Variants in GLCCI1 observed in about 807,000 individuals in gnomAD.
The protein encoded by GLCCI1 is glucocorticoid-induced transcript 1 protein.
In GLCCI1, 24 loss-of-function variants were observed where a neutral mutation model predicts 52.2. That is an observed-to-expected ratio of 0.46 (90% CI 0.33 to 0.65). The LOEUF is 0.65. Ranked by LOEUF, GLCCI1 falls within the 30% of genes least tolerant of loss-of-function variation. The probability of loss-of-function intolerance (pLI) is 0.02; values close to 1 mark genes in which losing one functional copy is unlikely to be tolerated. For missense variants in GLCCI1, 704 were observed against 701.5 expected, an observed-to-expected ratio of 1.00 and a Z score of -0.04; for synonymous variants, 310 against 276.5, an observed-to-expected ratio of 1.12 and a Z score of -1.20.
chr7:8,041,775 A>G (rs2127954847), intron 3 of GLCCI1, among the ~76,000 whole-genome samples: 1 of 152,128 alleles, frequency 6.6e-6, no homozygotes, highest in South Asian at 2.1e-4. Flanking sequence ...TTATTTTTGT[A>G]GAGACAAGGT....
At chr7:8,014,023 T>A (rs1253129395) in intron 2 of GLCCI1, among the ~76,000 whole-genome samples, 1 of 146,936 alleles carries the variant, frequency 6.8e-6, no homozygotes, top group Non-Finnish European at 1.5e-5. Context: ...GGAGTCTTGC[T>A]CTGTCGCCCA....
intron 2 of GLCCI1, among the ~76,000 whole-genome samples, chr7:8,018,085 A>AT (rs1267360244): frequency 6.6e-6 from 1 of 152,082 alleles, no homozygotes; most frequent in East Asian, 1.9e-4. Flanking sequence ...GGTATCATTG[A>AT]TTTTTCAGCT....
rs1355130045 is a variant in GLCCI1 at position 7,969,529 on chromosome 7, T to A, written c.179T>A (p.Leu60Gln). 1.1e-6 allele frequency: 1 copy of A among 950,436 alleles called. No individual in the cohort carries two copies. The highest frequency in any genetic ancestry group is 1.8e-5 in the African/African-American group (1 of 55,316). 58.9% of individuals were successfully genotyped at this position (950,436 alleles called of 1,614,324 possible). A position where few individuals can be genotyped will look rare whatever the true frequency, so the allele number is the denominator to read the frequency against. ...GCAPAAGAGR[L>Q]LQPIRATVPY... ...GCCCCGGCTGCGGGAGCCGGCCGGC[T>A]GCTGCAGCCCATCCGCGCCACGGTG... The change falls in exon 1 of 8, where the codon CTG (leucine) becomes CAG (glutamine). Residue 60 changes from leucine to glutamine, a missense_variant. Leu to Gln is a moderately radical substitution (Grantham distance 113, BLOSUM62 -2). Transcript: ENST00000223145. This position sits in a 1 kb window ranked among gnomAD's most constrained non-coding sequence, Gnocchi z 4.9.
intron 5 of GLCCI1, among the ~76,000 whole-genome samples, chr7:8,064,363 C>CT (rs1345664898): frequency 6.6e-6 from 1 of 152,164 alleles, no homozygotes; most frequent in East Asian, 1.9e-4. Context: ...ATAGGGAGTA[C>CT]TTTCCCCATT....
chr7:8,058,630 C>T (rs768987589), intron 4 of GLCCI1, among the ~76,000 whole-genome samples: 2 of 152,048 alleles, frequency 1.3e-5, no homozygotes, highest in African/African-American at 2.4e-5. Flanking sequence ...TTACACCATA[C>T]ACAAAAGTAA....
At chr7:8,049,948 G>T (rs889270519) in intron 3 of GLCCI1, among the ~76,000 whole-genome samples, 1 of 152,136 alleles carries the variant, frequency 6.6e-6, no homozygotes, top group African/African-American at 2.4e-5. Flanking sequence ...TTAAATTTTA[G>T]TCTGGTATTA....
At chr7:7,986,451 C>G (rs1362595438) in intron 1 of GLCCI1, among the ~76,000 whole-genome samples, 1 of 150,746 alleles carries the variant, frequency 6.6e-6, no homozygotes, top group African/African-American at 2.4e-5. Context: ...CATGAACCTG[C>G]TAGGCGGCGC....
Position 8,022,616 on chromosome 7 carries a change from G to A in GLCCI1, c.696+47G>A, listed in dbSNP as rs200124235. The A allele has an allele frequency of 1.3e-5, 15 of 1,184,950 alleles. No homozygotes were observed. The East Asian group carries it at 3.1e-4, about 25-fold the overall frequency. 73.4% of individuals were successfully genotyped at this position (1,184,950 alleles called of 1,614,324 possible). A position where few individuals can be genotyped will look rare whatever the true frequency, so the allele number is the denominator to read the frequency against. ...TCTGTAACCTGTTTTGGTCCTAGTA[G>A]ATTACCTTAGTATTTCCTGAATGTA... On this transcript the variant is annotated intron_variant, in intron 3 of 7. Transcript: ENST00000223145.
At chr7:7,984,249 G>A (rs948320244) in intron 1 of GLCCI1, among the ~76,000 whole-genome samples, 1 of 151,952 alleles carries the variant, frequency 6.6e-6, no homozygotes, top group African/African-American at 2.4e-5. Flanking sequence ...TTATAGAGAC[G>A]TGGTCTCCCT....
chr7:8,080,888 G>T (rs1182307091), intron 6 of GLCCI1, among the ~76,000 whole-genome samples: 1 of 146,780 alleles, frequency 6.8e-6, no homozygotes, highest in African/African-American at 2.5e-5. Flanking sequence ...TTGGCCAGGT[G>T]GTCTCGAACT....
intron 6 of GLCCI1, among the ~76,000 whole-genome samples, chr7:8,084,179 C>G (rs531113302): frequency 5.9e-4 from 90 of 152,218 alleles, no homozygotes; most frequent in African/African-American, 2.1e-3. Context: ...GGAGAAATTG[C>G]ATATGGGTTT....
chr7:8,000,398 G>C (rs554081747), intron 1 of GLCCI1, among the ~76,000 whole-genome samples: 6 of 152,176 alleles, frequency 3.9e-5, no homozygotes, highest in African/African-American at 1.4e-4. Context: ...CCTATGATGT[G>C]GGGAGGAGGT....
chr7:8,035,568 A>G (rs1395772843), intron 3 of GLCCI1, among the ~76,000 whole-genome samples: 1 of 152,162 alleles, frequency 6.6e-6, no homozygotes, highest in Non-Finnish European at 1.5e-5. Context: ...TCCCCCTTAT[A>G]TGTGGAGTTG....
At chr7:8,082,398 C>G (rs2127969092) in intron 6 of GLCCI1, among the ~76,000 whole-genome samples, 1 of 152,126 alleles carries the variant, frequency 6.6e-6, no homozygotes, top group South Asian at 2.1e-4. Flanking sequence ...GATTGTACTC[C>G]AGGTAACATA....
At chr7:8,062,341 C>T (rs1226002070) in intron 5 of GLCCI1, among the ~76,000 whole-genome samples, 1 of 152,082 alleles carries the variant, frequency 6.6e-6, no homozygotes, top group Non-Finnish European at 1.5e-5. Flanking sequence ...GTTAACCAGA[C>T]AATTTGTTCA....
intron 1 of GLCCI1, among the ~76,000 whole-genome samples, chr7:7,982,757 T>G (rs1479333604): frequency 6.6e-6 from 1 of 152,204 alleles, no homozygotes; most frequent in Non-Finnish European, 1.5e-5. Context: ...AATGTTTGTT[T>G]ACTTTTGTGA....
intron 5 of GLCCI1, among the ~76,000 whole-genome samples, chr7:8,062,347 G>C (rs1301785792): frequency 1.3e-5 from 2 of 152,078 alleles, no homozygotes; most frequent in Non-Finnish European, 2.9e-5. Flanking sequence ...CAGACAATTT[G>C]TTCACTTTTT....
In GLCCI1 at chr7:7,969,038, G is replaced by A; in HGVS notation, c.-313G>A. The A allele has an allele frequency of 1.2e-5, 2 of 170,138 alleles. No individual in the cohort carries two copies. The highest frequency in any genetic ancestry group is 2.5e-5 in the Non-Finnish European group (2 of 79,236). 10.5% of individuals were successfully genotyped at this position (170,138 alleles called of 1,614,324 possible). ...CGTGATCCGGGCCGTTGCCCTGTCA[G>A]CACGATGCCTGGAGCGGTGGCGGCG... On this transcript the variant is annotated 5_prime_UTR_variant, in exon 1 of 8. Transcript: ENST00000223145. The surrounding 1 kb of genome is among the most constrained non-coding windows in gnomAD (Gnocchi z 4.9).
intron 1 of GLCCI1, chr7:7,981,264 T>C (rs775717170): frequency 0.015 from 3,693 of 247,080 alleles, 141 homozygotes; most frequent in African/African-American, 0.08. Context: ...CTTTCTCTTT[T>C]TTTCTTTCTT....
Sources: gnomAD v4.1 joint callset for allele counts (sites outside exome capture counted in the v4.1 genomes callset) on GRCh38, gnomAD v4.1.1 for gene constraint, Gnocchi (gnomAD v3.1) non-coding constraint, MANE v1.5 for transcripts, NCBI Gene and HGNC (gene_info 2026-07-23, HGNC 2026-07-21) for gene names.